MCTP1: variants seen among roughly 807,000 people sequenced by gnomAD.
MCTP1 encodes the protein multiple C2 and transmembrane domain containing 1.
Under a neutral mutation model 120.6 loss-of-function variants are expected in MCTP1, and 69 were observed. That is an observed-to-expected ratio of 0.57 (90% CI 0.47 to 0.70). The LOEUF (loss-of-function observed/expected upper bound fraction) is 0.70, where lower values mean the gene tolerates loss of function less well. Among genes scored for constraint, MCTP1 ranks in the 30% least tolerant of loss-of-function variants. MCTP1 has a pLI of 0.00. For synonymous variants in MCTP1, 529 were observed against 493.1 expected, an observed-to-expected ratio of 1.07 and a Z score of -0.96; for missense variants, 1,203 against 1,248.8, an observed-to-expected ratio of 0.96 and a Z score of 0.55.
intron 17 of MCTP1, chr5:94,826,222 A>G (rs1580888714): frequency 4.7e-6 from 2 of 421,774 alleles, no homozygotes; most frequent in Non-Finnish European, 9.0e-6. Flanking sequence ...TGATTTTGCT[A>G]TAACCATGCT....
intron 1 of MCTP1, among the ~76,000 whole-genome samples, chr5:95,080,587 G>T (rs1001632075): frequency 6.6e-6 from 1 of 152,060 alleles, no homozygotes; most frequent in African/African-American, 2.4e-5. Flanking sequence ...GAATTTAAAG[G>T]CCTTAAATAT....
At chr5:94,772,350 C>T (rs1413857435) in intron 19 of MCTP1, among the ~76,000 whole-genome samples, 1 of 152,174 alleles carries the variant, frequency 6.6e-6, no homozygotes, top group Non-Finnish European at 1.5e-5. Context: ...GTCCAGCTGT[C>T]TCAGAAGCTC....
intron 1 of MCTP1, among the ~76,000 whole-genome samples, chr5:95,082,569 A>G (rs888201471): frequency 3.3e-5 from 5 of 152,220 alleles, no homozygotes; most frequent in Non-Finnish European, 7.3e-5. Context: ...GGTGAAGCAT[A>G]TATGTAATTT....
intron 1 of MCTP1, among the ~76,000 whole-genome samples, chr5:95,236,614 G>T (rs985593202): frequency 4.6e-5 from 7 of 152,146 alleles, no homozygotes; most frequent in Non-Finnish European, 7.3e-5. Context: ...AAGTCAATAT[G>T]CAATTTAGTT....
At chr5:94,794,375 C>T (rs907057850) in intron 18 of MCTP1, among the ~76,000 whole-genome samples, 1 of 152,236 alleles carries the variant, frequency 6.6e-6, no homozygotes, top group African/African-American at 2.4e-5. Context: ...GTCACGAATG[C>T]TTCTGAAATT....
intron 1 of MCTP1, among the ~76,000 whole-genome samples, chr5:95,265,937 G>A (rs1292258757): frequency 6.6e-5 from 10 of 152,242 alleles, no homozygotes; most frequent in South Asian, 2.1e-4. Flanking sequence ...AAGGAATCTC[G>A]CTTCTGAAAG....
intron 1 of MCTP1, among the ~76,000 whole-genome samples, chr5:95,246,821 A>G (rs1459100791): frequency 6.6e-6 from 1 of 152,184 alleles, no homozygotes; most frequent in African/African-American, 2.4e-5. Context: ...TTTTGCATCA[A>G]TGTTCATCAG....
chr5:95,081,023 T>C (rs921402437), intron 1 of MCTP1, among the ~76,000 whole-genome samples: 2 of 152,186 alleles, frequency 1.3e-5, no homozygotes, highest in Non-Finnish European at 2.9e-5. Context: ...GAGCTATAAT[T>C]ATTCAAAGAT....
rs979209602 is a variant in MCTP1 at position 94,706,308 on chromosome 5, CTACTT to C, written c.*1183_*1187del. The C allele has an allele frequency of 6.6e-6, 1 of 151,606 alleles. No homozygotes were observed. The highest frequency in any genetic ancestry group is 1.5e-5 in the Non-Finnish European group (1 of 67,732). 9.4% of individuals were successfully genotyped at this position (151,606 alleles called of 1,614,324 possible). A position where few individuals can be genotyped will look rare whatever the true frequency, so the allele number is the denominator to read the frequency against. On this transcript the variant is annotated 3_prime_UTR_variant, in exon 23 of 23. Coordinates refer to ENST00000515393, the MANE Select transcript of MCTP1 (RefSeq NM_024717.7). Reference sequence around the variant, plus strand: ...TATACCAGGGAGTGAGATATAAAAACTACTTTAAGAGTCTTGGGAATGCAATTTTT... The same window carrying C: ...TATACCAGGGAGTGAGATATAAAAACTAAGAGTCTTGGGAATGCAATTTTT...
At chr5:94,867,504 T>A (rs996689630) in intron 17 of MCTP1, 27 of 646,392 alleles carry the variant, frequency 4.2e-5, no homozygotes, top group Admixed American at 3.6e-4. Context: ...CATAATAAAG[T>A]CGTATTCTGC....
At chr5:95,218,613 G>C (rs1282373899) in intron 1 of MCTP1, among the ~76,000 whole-genome samples, 1 of 152,306 alleles carries the variant, frequency 6.6e-6, no homozygotes, top group East Asian at 1.9e-4. Context: ...CTCAGGGACT[G>C]AGCTCCAGGT....
intron 1 of MCTP1, among the ~76,000 whole-genome samples, chr5:95,234,017 G>GAA (rs11325013): frequency 8.0e-6 from 1 of 125,592 alleles, no homozygotes; most frequent in Non-Finnish European, 1.7e-5. Context: ...GATCAGAGAA[G>GAA]AAAAAAAAAA....
intron 1 of MCTP1, among the ~76,000 whole-genome samples, chr5:95,279,432 A>G (rs1760133608): frequency 6.6e-6 from 1 of 152,210 alleles, no homozygotes; most frequent in Non-Finnish European, 1.5e-5. Flanking sequence ...GATTTGTCAC[A>G]GGCTACTTTT....
intron 1 of MCTP1, among the ~76,000 whole-genome samples, chr5:95,269,293 T>C (rs1269785027): frequency 6.6e-6 from 1 of 152,210 alleles, no homozygotes; most frequent in Non-Finnish European, 1.5e-5. Flanking sequence ...TGGACATCTT[T>C]ACAAAACAAC....
intron 19 of MCTP1, chr5:94,739,252 A>G (rs918638724): frequency 2.0e-5 from 3 of 152,214 alleles, no homozygotes; most frequent in African/African-American, 7.2e-5. Flanking sequence ...CCACCTTTGA[A>G]GAACAAAACT....
intron 19 of MCTP1, among the ~76,000 whole-genome samples, chr5:94,723,553 GA>G (rs1761403506): frequency 7.7e-6 from 1 of 129,362 alleles, no homozygotes. Context: ...TGACTTGGCA[GA>G]GTTTTTTTTT....
At chr5:94,848,818 CAATA>C (rs920136604) in intron 17 of MCTP1, among the ~76,000 whole-genome samples, 4 of 150,756 alleles carry the variant, frequency 2.7e-5, no homozygotes, top group Admixed American at 1.3e-4. Flanking sequence ...TATTTATTGC[CAATA>C]AATAATCTGT....
At chr5:95,119,343 A>G (rs1237864294) in intron 1 of MCTP1, among the ~76,000 whole-genome samples, 2 of 152,192 alleles carry the variant, frequency 1.3e-5, no homozygotes, top group Admixed American at 6.5e-5. Flanking sequence ...AACAAATGAT[A>G]ATAGAAACAC....
At chr5:95,123,034 G>A (rs377129178) in intron 1 of MCTP1, among the ~76,000 whole-genome samples, 111 of 152,310 alleles carry the variant, frequency 7.3e-4, no homozygotes, top group African/African-American at 2.5e-3. Flanking sequence ...CAAAAATATA[G>A]TTAGTATAAA....
Sources: gnomAD v4.1 joint callset for allele counts (sites outside exome capture counted in the v4.1 genomes callset) on GRCh38, gnomAD v4.1.1 for gene constraint, MANE v1.5 for transcripts, NCBI Gene and HGNC (gene_info 2026-07-23, HGNC 2026-07-21) for gene names.